Variants in CPS1 observed in about 807,000 individuals in gnomAD.
CPS1 encodes the protein carbamoyl-phosphate synthase [ammonia], mitochondrial.
A neutral mutation model predicts 174.6 loss-of-function variants in CPS1; 109 were observed. The ratio of observed to expected loss-of-function variants is 0.62; its 90% confidence interval spans 0.53 to 0.73. The LOEUF is 0.73. CPS1 is among the 30% of genes least tolerant of loss of function. The probability of loss-of-function intolerance (pLI) is 0.00; values close to 1 mark genes in which losing one functional copy is unlikely to be tolerated. For missense variants in CPS1, 1,689 were observed against 1,821.9 expected (o/e 0.93, Z 1.33); for synonymous variants, 637 against 632.0 (o/e 1.01, Z -0.12).
intron 19 of CPS1, among the ~76,000 whole-genome samples, chr2:210,611,308 G>T (rs978920220): frequency 6.6e-6 from 1 of 151,924 alleles, no homozygotes; most frequent in African/African-American, 2.4e-5. Flanking sequence ...AATCACAAAA[G>T]TTTACTGAAA....
At chr2:210,602,479 A>G (rs1698761790) in intron 16 of CPS1, 149 bp downstream of exon 16, 1 of 1,034,700 alleles carries the variant, frequency 9.7e-7, no homozygotes, top group African/African-American at 1.6e-5. Context: ...AAAAGATGAC[A>G]CTTTTGCGAG....
chr2:210,677,753 A>G, intron 37 of CPS1, 134 bp from the exon 38 acceptor site: 1 of 789,900 alleles, frequency 1.3e-6, no homozygotes, highest in Non-Finnish European at 2.3e-6. Context: ...TCTCCATTAC[A>G]TAAAAAACTT....
chr2:210,511,539 CA>C (rs1366314562), intron 1 of CPS1, among the ~76,000 whole-genome samples: 1 of 56,604 alleles, frequency 1.8e-5, no homozygotes, highest in East Asian at 5.0e-4. Flanking sequence ...TAATAATAAA[CA>C]AAAAGAAAAC....
chr2:210,675,365 T>C (rs1378284919), intron 35 of CPS1, among the ~76,000 whole-genome samples: 1 of 152,150 alleles, frequency 6.6e-6, no homozygotes, highest in East Asian at 1.9e-4. Context: ...TCCCAAGGCT[T>C]ATGATGGGCC....
At chr2:210,643,829 C>G (rs1280791340) in intron 25 of CPS1, among the ~76,000 whole-genome samples, 1 of 152,112 alleles carries the variant, frequency 6.6e-6, no homozygotes. Context: ...TTTTAAATCA[C>G]TCCTTAATAT....
chr2:210,481,739 T>G (rs111599400), intron 1 of CPS1, among the ~76,000 whole-genome samples: 2,559 of 152,374 alleles, frequency 0.017, 56 homozygotes, highest in Middle Eastern at 0.058. Context: ...TCCTTTCTAT[T>G]TGCCTTGAGG....
intron 1 of CPS1, among the ~76,000 whole-genome samples, chr2:210,514,866 C>T (rs1207728234): frequency 6.7e-6 from 1 of 148,438 alleles, no homozygotes; most frequent in African/African-American, 2.5e-5. Flanking sequence ...AGGTACATTG[C>T]TTCAGTGCCT....
intron 32 of CPS1, among the ~76,000 whole-genome samples, chr2:210,661,902 G>A (rs1700934435): frequency 7.5e-6 from 1 of 133,372 alleles, no homozygotes; most frequent in Non-Finnish European, 1.6e-5. Flanking sequence ...GGATAGATAT[G>A]CTTTTTTTTT....
intron 21 of CPS1, among the ~76,000 whole-genome samples, chr2:210,628,672 C>G (rs923676315): frequency 6.6e-6 from 1 of 151,952 alleles, no homozygotes; most frequent in African/African-American, 2.4e-5. Context: ...TGGTGGCAGG[C>G]GCCTGCAGTT....
intron 1 of CPS1, among the ~76,000 whole-genome samples, chr2:210,504,698 G>A (rs958894865): frequency 6.6e-6 from 1 of 152,158 alleles, no homozygotes; most frequent in Non-Finnish European, 1.5e-5. Context: ...TGTATTTCCT[G>A]TTAATGTAGC....
At chr2:210,582,810 C>G in intron 6 of CPS1, 101 bp downstream of exon 6, 1 of 922,470 alleles carries the variant, frequency 1.1e-6, no homozygotes, top group South Asian at 1.3e-5. Flanking sequence ...CTTCCAGAAG[C>G]ACCAGTGTTC....
chr2:210,584,251 A>T (rs1698028887), intron 6 of CPS1, among the ~76,000 whole-genome samples: 1 of 152,094 alleles, frequency 6.6e-6, no homozygotes, highest in Admixed American at 6.6e-5. Flanking sequence ...GTGGAAGCCT[A>T]TGTGGCATCA....
intron 1 of CPS1, among the ~76,000 whole-genome samples, chr2:210,534,970 G>T (rs1415587496): frequency 6.6e-6 from 1 of 152,146 alleles, no homozygotes; most frequent in African/African-American, 2.4e-5. Flanking sequence ...CTCATGTATA[G>T]CATCTGGTGT....
At position 210,579,157 on chromosome 2, in the gene CPS1, C is replaced by T. The variant is rs556492118; in HGVS notation, c.472-557C>T. On this transcript the variant is annotated intron_variant, in intron 4 of 37. Transcript: ENST00000233072. ...AATCTTATTTTAGTAAAAAGCCTCC[C>T]GTGGGATAGAACCTGTTTTCTTGAT... Among the ~76,000 whole-genome samples, 27 of 152,210 alleles carry T rather than the reference C, an allele frequency of 1.8e-4. 1 individual carries two copies. Among genetic ancestry groups the T allele is most frequent in the East Asian group, 1.7e-3 (9 of 5,170 alleles).
At chr2:210,642,983 T>A (rs928991901) in intron 25 of CPS1, among the ~76,000 whole-genome samples, 2 of 152,192 alleles carry the variant, frequency 1.3e-5, no homozygotes, top group African/African-American at 4.8e-5. Flanking sequence ...TACAAGATGA[T>A]CCCTCATAAA....
chr2:210,533,146 C>G (rs559271263), intron 1 of CPS1, among the ~76,000 whole-genome samples: 4 of 152,220 alleles, frequency 2.6e-5, no homozygotes, highest in Admixed American at 2.0e-4. Context: ...AGGTCTATCT[C>G]TGTCTTTCCC....
At chr2:210,527,340 A>G (rs16844579) in intron 1 of CPS1, among the ~76,000 whole-genome samples, 2,449 of 152,088 alleles carry the variant, frequency 0.016, 55 homozygotes, top group African/African-American at 0.051. Context: ...CATTATGCAC[A>G]TATTGAAAAC....
Position 210,576,771 on chromosome 2 carries a change from A to G in CPS1, c.381+281A>G, listed in dbSNP as rs147908012. Among the ~76,000 whole-genome samples, 769 of 152,228 alleles carry G rather than the reference A, an allele frequency of 5.1e-3. 3 individuals are homozygous for G. The highest frequency in any genetic ancestry group is 9.1e-3 in the Non-Finnish European group (616 of 68,014). ...CAAATAACAACTATGCTATAAAAGG[A>G]TTGGGGAAGAATCACCTTTTAAAAG... On this transcript the variant is annotated intron_variant, in intron 3 of 37. Coordinates refer to ENST00000233072, the MANE Select transcript of CPS1 (RefSeq NM_001875.5).
At chr2:210,502,064 GA>G (rs1257848650) in intron 1 of CPS1, among the ~76,000 whole-genome samples, 1 of 152,042 alleles carries the variant, frequency 6.6e-6, no homozygotes, top group African/African-American at 2.4e-5. Context: ...GAGAAGTGGG[GA>G]AAGCCCTTTA....
Sources: allele counts gnomAD v4.1 joint callset (sites outside exome capture counted in the v4.1 genomes callset), GRCh38; gene constraint gnomAD v4.1.1; transcripts MANE v1.5; gene names NCBI Gene and HGNC (gene_info 2026-07-23, HGNC 2026-07-21).